Variants in SYNJ1 observed in about 807,000 individuals in gnomAD.
SYNJ1 encodes synaptojanin 1.
In SYNJ1, 78 loss-of-function variants were observed where a neutral mutation model predicts 168.2. The ratio of observed to expected loss-of-function variants is 0.46; its 90% CI spans 0.39 to 0.56. The LOEUF (loss-of-function observed/expected upper bound fraction) is 0.56, where lower values mean the gene tolerates loss of function less well. Ranked by LOEUF, SYNJ1 falls within the 20% of genes least tolerant of loss-of-function variation. The pLI, the probability that SYNJ1 is intolerant of heterozygous loss-of-function variation, is 0.00. For missense variants in SYNJ1, 1,303 were observed against 1,597.6 expected, an observed-to-expected ratio of 0.82 and a Z score of 3.14; for synonymous variants, 539 against 548.6, an observed-to-expected ratio of 0.98 and a Z score of 0.24.
At chr21:32,727,191 T>C (rs1031698309) in intron 1 of SYNJ1, among the ~76,000 whole-genome samples, 1 of 152,254 alleles carries the variant, frequency 6.6e-6, no homozygotes, top group African/African-American at 2.4e-5. Flanking sequence ...GTTTCCCGTT[T>C]AATTTATGCT....
intron 5 of SYNJ1, among the ~76,000 whole-genome samples, chr21:32,694,533 C>T (rs999577168): frequency 1.3e-5 from 2 of 152,044 alleles, no homozygotes; most frequent in African/African-American, 4.8e-5. Context: ...AGATTCACAA[C>T]TTTAAAAAAT....
chr21:32,664,795 A>G, intron 18 of SYNJ1, 118 bp downstream of exon 18: 1 of 797,868 alleles, frequency 1.3e-6, no homozygotes, highest in Non-Finnish European at 1.9e-6. Context: ...CTGTTTACCT[A>G]CAGATGCATA....
chr21:32,636,102 G>A (rs947513360), intron 31 of SYNJ1, among the ~76,000 whole-genome samples: 5 of 152,142 alleles, frequency 3.3e-5, no homozygotes, highest in African/African-American at 1.2e-4. Flanking sequence ...CAGGAGATCA[G>A]GAATAGGTTT....
intron 2 of SYNJ1, among the ~76,000 whole-genome samples, chr21:32,716,648 G>A (rs898645061): frequency 2.6e-5 from 4 of 152,256 alleles, no homozygotes; most frequent in Admixed American, 1.3e-4. Flanking sequence ...TCTGCTTTAT[G>A]TTCATTTAGC....
At chr21:32,643,168 C>T (rs2039915154) in intron 27 of SYNJ1, among the ~76,000 whole-genome samples, 1 of 151,832 alleles carries the variant, frequency 6.6e-6, no homozygotes, top group South Asian at 2.1e-4. Context: ...ATATATGAAA[C>T]AGAGTACAAA....
chr21:32,719,295 T>C (rs534996584), intron 2 of SYNJ1, among the ~76,000 whole-genome samples: 108 of 152,368 alleles, frequency 7.1e-4, no homozygotes, highest in African/African-American at 2.4e-3. Flanking sequence ...TTGCAGTGCA[T>C]TCCTTGGATG....
chr21:32,685,396 G>A (rs556444404), intron 9 of SYNJ1, among the ~76,000 whole-genome samples: 7 of 145,332 alleles, frequency 4.8e-5, no homozygotes, highest in African/African-American at 1.8e-4. Flanking sequence ...AGCCCAGCCA[G>A]GGCAATACAG....
intron 19 of SYNJ1, 69 bp from the exon 20 acceptor site, chr21:32,657,189 G>T: frequency 1.9e-6 from 2 of 1,039,834 alleles, no homozygotes; most frequent in Non-Finnish European, 1.5e-6. Flanking sequence ...GAGCAAAGAG[G>T]CATTCTCCTT....
chr21:32,707,878 G>A (rs960263203), intron 2 of SYNJ1, among the ~76,000 whole-genome samples: 5 of 152,134 alleles, frequency 3.3e-5, no homozygotes, highest in Non-Finnish European at 2.9e-5. Flanking sequence ...TTAGGTGGGC[G>A]TGATGATGCA....
intron 24 of SYNJ1, 62 bp from the exon 25 acceptor site, chr21:32,645,851 G>A: frequency 6.6e-7 from 1 of 1,521,968 alleles, no homozygotes; most frequent in Non-Finnish European, 8.9e-7. Flanking sequence ...GAAGGGAACA[G>A]TCCTTCATAT....
At chr21:32,635,282 G>A (rs1179549082) in intron 31 of SYNJ1, among the ~76,000 whole-genome samples, 1 of 152,172 alleles carries the variant, frequency 6.6e-6, no homozygotes, top group East Asian at 1.9e-4. Context: ...CCACTAGGAG[G>A]TAATTAGAGT....
rs529370550 is a variant in SYNJ1 at position 32,651,011 on chromosome 21, C to T, written c.2875-665G>A. ...TTTTAGACTAAAGTATAATCTAAGA[C>T]AACCAAGACATTATAATCAAATTAT... On this transcript the variant is annotated intron_variant, in intron 22 of 32. Coordinates refer to ENST00000674351, the MANE Select transcript of SYNJ1 (RefSeq NM_203446.3). Among the ~76,000 whole-genome samples the T allele has an allele frequency of 2.6e-5, 4 of 152,282 alleles. No homozygotes were observed. In the East Asian group the frequency reaches 7.7e-4, roughly 29 times the overall value.
In SYNJ1 at chr21:32,630,375, C is replaced by G. The variant is rs2039275011; in HGVS notation, c.*1430G>C. On this transcript the variant is annotated 3_prime_UTR_variant, in exon 33 of 33. Coordinates refer to ENST00000674351, the MANE Select transcript of SYNJ1 (RefSeq NM_203446.3). ...TGAAAGGTCCAAATTACATTTGCAG[C>G]CATCTTTTTGGTAATGTGATATTGA... The G allele has an allele frequency of 6.6e-6, 1 of 152,174 alleles. No individual in the cohort carries two copies. Among genetic ancestry groups the G allele is most frequent in the Non-Finnish European group, 1.5e-5 (1 of 68,018 alleles). 9.4% of individuals were successfully genotyped at this position (152,174 alleles called of 1,614,324 possible). A position where few individuals can be genotyped will look rare whatever the true frequency, so the allele number is the denominator to read the frequency against.
At chr21:32,684,253 C>CA (rs1020938594) in intron 9 of SYNJ1, 134 bp from the exon 10 acceptor site, 35 of 735,924 alleles carry the variant, frequency 4.8e-5, no homozygotes, top group South Asian at 2.2e-4. Context: ...TTCAAATATA[C>CA]AAAAAAAATT....
At chr21:32,707,742 G>A (rs1215098591) in intron 2 of SYNJ1, among the ~76,000 whole-genome samples, 1 of 152,158 alleles carries the variant, frequency 6.6e-6, no homozygotes, top group African/African-American at 2.4e-5. Context: ...AAATGGAAAG[G>A]TTGTGCATTA....
intron 2 of SYNJ1, among the ~76,000 whole-genome samples, chr21:32,725,993 C>T (rs80141393): frequency 0.098 from 14,872 of 152,106 alleles, 787 homozygotes; most frequent in African/African-American, 0.11. Context: ...GGGCACACGA[C>T]GGAGCCGAAC....
chr21:32,645,542 A>C (rs900680718), intron 25 of SYNJ1, 104 bp downstream of exon 25: 1 of 1,377,652 alleles, frequency 7.3e-7, no homozygotes. Flanking sequence ...AATGATAGAA[A>C]AAACTGTAAA....
rs112608627 is a variant in SYNJ1, at chr21:32,703,579, G to A, written c.125-1532C>T. ...TTCCAGGATAAATATTATTCTAGAG[G>A]TTTACAAGTTATATGCCATATACAT... On this transcript the variant is annotated intron_variant, in intron 2 of 32. Transcript: ENST00000674351. Among the ~76,000 whole-genome samples, 11 of 152,136 alleles carry A rather than the reference G, an allele frequency of 7.2e-5. 1 individual carries two copies. The highest frequency in any genetic ancestry group is 2.7e-4 in the African/African-American group (11 of 41,504).
intron 6 of SYNJ1, among the ~76,000 whole-genome samples, chr21:32,692,366 C>G (rs1187702665): frequency 6.6e-6 from 1 of 151,928 alleles, no homozygotes; most frequent in Non-Finnish European, 1.5e-5. Flanking sequence ...CACCTGAGAT[C>G]AGGAGTGCAA....
Sources: gnomAD v4.1 joint callset for allele counts (sites outside exome capture counted in the v4.1 genomes callset) on GRCh38, gnomAD v4.1.1 for gene constraint, MANE v1.5 for transcripts, NCBI Gene and HGNC (gene_info 2026-07-23, HGNC 2026-07-21) for gene names.